TUT7: variants seen among roughly 807,000 people sequenced by gnomAD.
TUT7 encodes the protein terminal uridylyltransferase 7.
Under a neutral mutation model 165.9 loss-of-function variants are expected in TUT7, and 33 were observed. The ratio of observed to expected loss-of-function variants is 0.20; its 90% confidence interval spans 0.15 to 0.27. The LOEUF (loss-of-function observed/expected upper bound fraction) is 0.27. Ranked by LOEUF, TUT7 falls within the 10% of genes least tolerant of loss-of-function variation. The pLI, the probability that TUT7 is intolerant of heterozygous loss-of-function variation, is 1.00. For missense variants in TUT7, 1,338 were observed against 1,762.3 expected (o/e 0.76, Z 4.31); for synonymous variants, 552 against 608.1 (o/e 0.91, Z 1.36).
intron 17 of TUT7, among the ~76,000 whole-genome samples, chr9:86,316,965 C>G (rs1193373802): frequency 6.6e-6 from 1 of 152,010 alleles, no homozygotes; most frequent in African/African-American, 2.4e-5. Flanking sequence ...AGTATTTACA[C>G]TGTATTAGGT....
chr9:86,338,331 T>G (rs144547851), intron 9 of TUT7, among the ~76,000 whole-genome samples: 55 of 152,166 alleles, frequency 3.6e-4, no homozygotes, highest in African/African-American at 1.1e-3. Context: ...ATCTCAATTT[T>G]ATAATCATGA....
intron 10 of TUT7, 55 bp downstream of exon 10, chr9:86,337,364 T>C: frequency 6.4e-7 from 1 of 1,560,926 alleles, no homozygotes; most frequent in Non-Finnish European, 8.7e-7. Context: ...AAAATTTAAT[T>C]GTGGACCTGT....
At chr9:86,339,187 TTCAAA>T (rs569403718) in intron 8 of TUT7, among the ~76,000 whole-genome samples, 210 of 152,336 alleles carry the variant, frequency 1.4e-3, no homozygotes, top group African/African-American at 4.9e-3. Flanking sequence ...TAATTTTGTT[TTCAAA>T]TATTATTTTT....
chr9:86,339,383 T>C (rs951522633), intron 8 of TUT7, among the ~76,000 whole-genome samples: 2 of 152,064 alleles, frequency 1.3e-5, no homozygotes, highest in Non-Finnish European at 2.9e-5. Flanking sequence ...CCAGGCGTGG[T>C]GGTGGGCACC....
At chr9:86,340,293 G>C (rs555886214) in intron 7 of TUT7, among the ~76,000 whole-genome samples, 188 bp from the exon 8 acceptor site, 1 of 152,264 alleles carries the variant, frequency 6.6e-6, no homozygotes, top group East Asian at 1.9e-4. Context: ...TATCACATTA[G>C]TGTAAAACCC....
chr9:86,293,219 T>C (rs1826028039), intron 26 of TUT7, among the ~76,000 whole-genome samples: 1 of 152,144 alleles, frequency 6.6e-6, no homozygotes, highest in African/African-American at 2.4e-5. Context: ...TTCTGGAAAC[T>C]GAGGAGGATC....
intron 18 of TUT7, 81 bp from the exon 19 acceptor site, chr9:86,310,098 T>TA: frequency 8.3e-7 from 1 of 1,200,810 alleles, no homozygotes; most frequent in Non-Finnish European, 1.2e-6. Flanking sequence ...TTGTTTTAAA[T>TA]AATGGAGATG....
At chr9:86,290,883 C>T (rs1317876306) in intron 26 of TUT7, among the ~76,000 whole-genome samples, 1 of 151,508 alleles carries the variant, frequency 6.6e-6, no homozygotes, top group Non-Finnish European at 1.5e-5. Flanking sequence ...AAAGAGACTA[C>T]CTCATACTTC....
chr9:86,318,939 T>C lies in TUT7; in HGVS notation c.3216+19A>G, dbSNP rs1270021059. 1 of 1,590,984 alleles carries C rather than the reference T, an allele frequency of 6.3e-7. No individual in the cohort carries two copies. Among genetic ancestry groups the C allele is most frequent in the Non-Finnish European group, 8.6e-7 (1 of 1,163,678 alleles). ...ATCACACTGCCACAGCAAATGGAAG[T>C]TTTATGTGGTCACTGTACCTCAGCA... On this transcript the variant is annotated intron_variant, in intron 16 of 26. Coordinates refer to ENST00000375963, the MANE Select transcript of TUT7 (RefSeq NM_024617.4).
chr9:86,343,497 T>G (rs1049236124), intron 5 of TUT7, among the ~76,000 whole-genome samples: 2 of 152,200 alleles, frequency 1.3e-5, no homozygotes, highest in Non-Finnish European at 1.5e-5. Flanking sequence ...ATTTAAAATA[T>G]TTTTTTAAAT....
chr9:86,290,380 G>A (rs1185789708), intron 26 of TUT7, among the ~76,000 whole-genome samples: 1 of 151,990 alleles, frequency 6.6e-6, no homozygotes, highest in African/African-American at 2.4e-5. Flanking sequence ...GCAGGACATC[G>A]AGATAAGCAA....
chr9:86,353,155 G>A lies in TUT7; in HGVS notation c.45C>T (p.Asp15=). 6.2e-7 allele frequency: 1 copy of A among 1,605,582 alleles called. No individual in the cohort carries two copies. The highest frequency in any genetic ancestry group is 1.1e-5 in the South Asian group (1 of 89,328). Reference sequence around the variant, plus strand: ...AGTCATCATCATCCATAGTCCCCCGGTCTTTAGTGCGCTTCACGAAATAAG... The same window carrying A: ...AGTCATCATCATCCATAGTCCCCCGATCTTTAGTGCGCTTCACGAAATAAG... ...AKPYFVKRTK[D]RGTMDDDDFR... The change falls in exon 2 of 27, where the codon GAC becomes GAT. Residue 15 remains aspartate, a synonymous_variant. Coordinates refer to ENST00000375963, the MANE Select transcript of TUT7 (RefSeq NM_024617.4).
In TUT7 at chr9:86,340,091, C is replaced by T; in HGVS notation, c.1153G>A (p.Val385Ile). The change falls in exon 8 of 27, where the codon GTT becomes ATT. Residue 385 changes from valine (V) to isoleucine (I), a missense_variant. Val to Ile is a conservative substitution (Grantham distance 29). Coordinates refer to ENST00000375963, the MANE Select transcript of TUT7 (RefSeq NM_024617.4). ...CLKNSDSFID[V>I]DADFHARVPV... ...ACCCTAGCATGGAAGTCTGCATCAA[C>T]ATCAATAAAGGAGTCTGAGGAAAGA... 1.9e-6 allele frequency: 3 copies of T among 1,613,768 alleles called. No homozygotes were observed. In the South Asian group the frequency reaches 3.3e-5, roughly 18 times the overall value.
chr9:86,295,942 C>G (rs754308855), intron 26 of TUT7, among the ~76,000 whole-genome samples: 2 of 151,994 alleles, frequency 1.3e-5, no homozygotes, highest in East Asian at 1.9e-4. Flanking sequence ...TTCTGAGATT[C>G]TCATACTGAA....
At chr9:86,314,813 T>C (rs1190347753) in intron 17 of TUT7, among the ~76,000 whole-genome samples, 1 of 152,222 alleles carries the variant, frequency 6.6e-6, no homozygotes, top group South Asian at 2.1e-4. Flanking sequence ...CTCCTAGTAT[T>C]TCCCATTTGA....
chr9:86,352,813 T>A lies in TUT7; in HGVS notation c.387A>T (p.Arg129Ser), dbSNP rs1210824615. The change falls in exon 2 of 27, where the codon AGA becomes AGT. Residue 129 changes from arginine (R) to serine (S), a missense_variant. Around this residue, in one of 7 missense-constraint regions of TUT7, gnomAD observed 434 missense variants for 480.8 expected, o/e 0.90. Coordinates refer to ENST00000375963, the MANE Select transcript of TUT7 (RefSeq NM_024617.4). ...CTTCATTTTCTTGAAAGGAGTCTTT[T>A]CTTTGTCGGTTTATAACAGGAATTC... is the stretch of plus-strand genomic sequence containing the variant. The part of the protein sequence containing the change: ...GPRIPVINRQ[R>S]KDSFQENEDG... The A allele has an allele frequency of 6.2e-7, 1 of 1,614,098 alleles. No individual in the cohort carries two copies. The highest frequency in any genetic ancestry group is 8.5e-7 in the Non-Finnish European group (1 of 1,180,042).
At chr9:86,333,021 T>C (rs139723780) in intron 10 of TUT7, among the ~76,000 whole-genome samples, 12 of 152,236 alleles carry the variant, frequency 7.9e-5, no homozygotes, top group Admixed American at 1.3e-4. Context: ...CCTTTGAGAG[T>C]AGGTCTCACT....
chr9:86,328,520 T>C (rs771847869), intron 10 of TUT7, 28 bp from the exon 11 acceptor site: 3 of 1,580,392 alleles, frequency 1.9e-6, no homozygotes, highest in Non-Finnish European at 1.7e-6. Context: ...CATGCTAAAA[T>C]AAGATAGAAA....
chr9:86,313,657 G>A (rs1044683468), intron 17 of TUT7, among the ~76,000 whole-genome samples: 4 of 152,154 alleles, frequency 2.6e-5, no homozygotes, highest in East Asian at 3.9e-4. Context: ...TGTGGGTCAG[G>A]CTAATTATCA....
Sources: gnomAD v4.1 joint callset for allele counts (sites outside exome capture counted in the v4.1 genomes callset) on GRCh38, gnomAD v4.1.1 for gene constraint, gnomAD v4.1.1 regional missense constraint, MANE v1.5 for transcripts, NCBI Gene and HGNC (gene_info 2026-07-23, HGNC 2026-07-21) for gene names.